The following PCDHGA2 variants were observed in gnomAD, a reference collection of about 807,000 sequenced individuals.
PCDHGA2 encodes protocadherin gamma subfamily A, 2.
Under a neutral mutation model 59.2 loss-of-function variants are expected in PCDHGA2, and 40 were observed. That is an observed-to-expected ratio of 0.68 (90% confidence interval 0.52 to 0.88). The LOEUF is 0.88. Among genes scored for constraint, PCDHGA2 ranks in the 40% least tolerant of loss-of-function variants. PCDHGA2 has a pLI of 0.00. For missense variants in PCDHGA2, 1,226 were observed against 1,204.0 expected (o/e 1.02, Z -0.27); for synonymous variants, 560 against 526.0 (o/e 1.06, Z -0.89).
Position 141,340,091 on chromosome 5 carries a change from A to G in PCDHGA2, c.1120A>G (p.Arg374Gly), listed in dbSNP as rs577489425. 12 of 1,614,120 alleles carry G rather than the reference A, an allele frequency of 7.4e-6. No homozygotes were observed. The highest frequency in any genetic ancestry group is 1.7e-4 in the Middle Eastern group (1 of 6,060). Residue 374 changes from arginine to glycine, a missense_variant, in exon 1 of 4, where the codon AGA becomes GGA. Arg to Gly is a moderately radical substitution (Grantham distance 125). Transcript: ENST00000394576. ...TIIGLFNVHDRDSGQNAFTTC... is the reference protein window; with the variant it reads ...TIIGLFNVHDGDSGQNAFTTC... Reference sequence around the variant, plus strand: ...AATTGGGCTTTTTAATGTACATGATAGAGACTCTGGGCAGAACGCATTCAC... The same window carrying G: ...AATTGGGCTTTTTAATGTACATGATGGAGACTCTGGGCAGAACGCATTCAC...
Position 141,486,388 on chromosome 5 carries a change from C to T in PCDHGA2, c.2425-8419C>T, listed in dbSNP as rs2099628930. ...TCAAGTCTGCCTTCAGGAACCAGTT[C>T]TCCCTGGTGACTGCTGGACCCTTGG... On this transcript the variant is annotated intron_variant, in intron 1 of 3. Coordinates refer to ENST00000394576, the MANE Select transcript of PCDHGA2 (RefSeq NM_018915.4). This position sits in a 1 kb window ranked among gnomAD's most constrained non-coding sequence, Gnocchi z 5.0. 2 of 1,613,988 alleles carry T rather than the reference C, an allele frequency of 1.2e-6. No individual in the cohort carries two copies. The highest frequency in any genetic ancestry group is 2.7e-5 in the African/African-American group (2 of 74,924).
intron 1 of PCDHGA2, among the ~76,000 whole-genome samples, chr5:141,460,135 T>G (rs2098983196): frequency 6.6e-6 from 1 of 152,044 alleles, no homozygotes; most frequent in South Asian, 2.1e-4. Flanking sequence ...ATATATATAT[T>G]CTTGATGTGA....
rs3074545 is a variant in PCDHGA2, at chr5:141,482,530, C to CAAAAAAA, written c.2425-12264_2425-12258dup. On this transcript the variant is annotated intron_variant, in intron 1 of 3. Coordinates refer to ENST00000394576, the MANE Select transcript of PCDHGA2 (RefSeq NM_018915.4). ...CAGAGTACAGTATGAGACAGACATG[C>CAAAAAAA]AAAAAAAAAAAAAAAAAAAGATAAT... Among the ~76,000 whole-genome samples the CAAAAAAA allele has an allele frequency of 6.5e-4, 50 of 76,534 alleles. 2 individuals are homozygous for CAAAAAAA. The highest frequency in any genetic ancestry group is 1.7e-3 in the African/African-American group (35 of 20,860). 50.2% of individuals were successfully genotyped at this position (76,534 alleles called of 152,430 possible).
rs773048793 is a variant in PCDHGA2, at chr5:141,505,456, A to T, written c.2547A>T (p.Gln849His). The T allele has an allele frequency of 1.3e-5, 21 of 1,614,110 alleles. No homozygotes were observed. The highest frequency in any genetic ancestry group is 1.7e-5 in the Non-Finnish European group (20 of 1,180,044). The change falls in exon 3 of 4, where the codon CAA becomes CAT. Residue 849 changes from glutamine (Q) to histidine (H), a missense_variant. By Grantham distance (24) the Gln-to-His change is conservative (BLOSUM62 0). Coordinates refer to ENST00000394576, the MANE Select transcript of PCDHGA2 (RefSeq NM_018915.4). ...ACCAGTTTGACACAGAGATGCTGCA[A>T]GCCATGATCTTGGCGTCCGCCAGTG... ...PNNQFDTEML[Q>H]AMILASASEA...
rs775654786 is a variant in PCDHGA2 at position 141,491,718 on chromosome 5, G to A, written c.2425-3089G>A. Reference sequence around the variant, plus strand: ...GGAGCCAGGTGAGGGGCTCGGCGCCGCCCCGGGCGACCCCTGGGGGCGGCA... The same window carrying A: ...GGAGCCAGGTGAGGGGCTCGGCGCCACCCCGGGCGACCCCTGGGGGCGGCA... On this transcript the variant is annotated intron_variant, in intron 1 of 3. Coordinates refer to ENST00000394576, the MANE Select transcript of PCDHGA2 (RefSeq NM_018915.4). This position sits in a 1 kb window ranked among gnomAD's most constrained non-coding sequence, Gnocchi z 6.9. 1 of 1,607,600 alleles carries A rather than the reference G, an allele frequency of 6.2e-7. No homozygotes were observed. The highest frequency in any genetic ancestry group is 2.2e-5 in the East Asian group (1 of 44,690).
At chr5:141,510,124 A>G (rs2099879540) in intron 3 of PCDHGA2, among the ~76,000 whole-genome samples, 1 of 152,156 alleles carries the variant, frequency 6.6e-6, no homozygotes, top group Admixed American at 6.5e-5. Context: ...AAATACAAAA[A>G]TTAGCTGGGC....
At chr5:141,404,287 C>A in intron 1 of PCDHGA2, 1 of 1,613,976 alleles carries the variant, frequency 6.2e-7, no homozygotes, top group Non-Finnish European at 8.5e-7. Flanking sequence ...TGACTGACAT[C>A]AATGATAATC....
At chr5:141,389,254 T>C (rs1589085552) in intron 1 of PCDHGA2, 1 of 1,614,012 alleles carries the variant, frequency 6.2e-7, no homozygotes. Flanking sequence ...TCCTATATAG[T>C]CCACGTGGCC....
At chr5:141,368,074 G>A (rs1765473205) in intron 1 of PCDHGA2, among the ~76,000 whole-genome samples, 2 of 152,100 alleles carry the variant, frequency 1.3e-5, no homozygotes, top group Admixed American at 6.6e-5. Context: ...TTTCCCTTCT[G>A]CATCTGATTT....
chr5:141,446,634 G>A (rs927873152), intron 1 of PCDHGA2, among the ~76,000 whole-genome samples: 6 of 151,928 alleles, frequency 3.9e-5, no homozygotes, highest in Admixed American at 2.6e-4. Context: ...GCACCACCAC[G>A]CCTGGCTAAT....
chr5:141,379,540 G>C (rs1322397241), intron 1 of PCDHGA2: 2 of 152,194 alleles, frequency 1.3e-5, no homozygotes, highest in Non-Finnish European at 2.9e-5. Context: ...TATAGGGAAA[G>C]CTCACTAACT....
intron 1 of PCDHGA2, chr5:141,346,215 T>G: frequency 6.2e-7 from 1 of 1,614,154 alleles, no homozygotes; most frequent in Non-Finnish European, 8.5e-7. Flanking sequence ...GCTGCAGGCT[T>G]CGGGAGGCGG....
At chr5:141,468,746 G>A (rs1298497433) in intron 1 of PCDHGA2, among the ~76,000 whole-genome samples, 1 of 151,850 alleles carries the variant, frequency 6.6e-6, no homozygotes, top group Non-Finnish European at 1.5e-5. Flanking sequence ...GGTGCCTGTA[G>A]TCCCAGCTAC....
chr5:141,360,681 GAAAC>G, intron 1 of PCDHGA2: 1 of 1,613,946 alleles, frequency 6.2e-7, no homozygotes, highest in Non-Finnish European at 8.5e-7. Flanking sequence ...ATCTCGCTGA[GAAAC>G]AGACTCCAGA....
At chr5:141,423,980 G>A (rs2154550577) in intron 1 of PCDHGA2, 1 of 1,110,878 alleles carries the variant, frequency 9.0e-7, no homozygotes, top group South Asian at 4.5e-5. Flanking sequence ...AGTGTATGAG[G>A]CTCTCAATTT....
intron 1 of PCDHGA2, chr5:141,390,461 C>T: frequency 2.7e-6 from 2 of 738,224 alleles, no homozygotes; most frequent in Non-Finnish European, 4.3e-6. Context: ...AAAGTAGGAG[C>T]AATTGTGTGG....
At position 141,491,084 on chromosome 5, in the gene PCDHGA2, C is replaced by T; in HGVS notation, c.2425-3723C>T. On this transcript the variant is annotated intron_variant, in intron 1 of 3. Transcript: ENST00000394576. This position sits in a 1 kb window ranked among gnomAD's most constrained non-coding sequence, Gnocchi z 6.9. ...TACTCACTGTTGCCACAGTCCACAGCCCCAGGACTGTTCCTCGTGTCTACA... is the reference window on the plus strand; with the variant it reads ...TACTCACTGTTGCCACAGTCCACAGTCCCAGGACTGTTCCTCGTGTCTACA... The T allele has an allele frequency of 6.2e-7, 1 of 1,614,106 alleles. No homozygotes were observed. The highest frequency in any genetic ancestry group is 1.1e-5 in the South Asian group (1 of 91,082).
At chr5:141,398,928 T>C in intron 1 of PCDHGA2, 4 of 1,613,962 alleles carry the variant, frequency 2.5e-6, no homozygotes, top group Non-Finnish European at 3.4e-6. Flanking sequence ...TGTCAGCCAC[T>C]GACCAAGACG....
chr5:141,489,086 G>A lies in PCDHGA2; in HGVS notation c.2425-5721G>A, dbSNP rs2233599. ...CCCCCCTGCCCACCCCCGCCACTCG[G>A]TGACTAAGAACTGCTGCAAGCAGGC... On this transcript the variant is annotated intron_variant, in intron 1 of 3. Coordinates refer to ENST00000394576, the MANE Select transcript of PCDHGA2 (RefSeq NM_018915.4). The surrounding 1 kb of genome is among the most constrained non-coding windows in gnomAD (Gnocchi z 4.5). 2.2e-3 allele frequency: 754 copies of A among 340,206 alleles called. 5 individuals carry two copies. Among genetic ancestry groups the A allele is most frequent in the African/African-American group, 0.018 (712 of 39,726 alleles). 21.1% of individuals were successfully genotyped at this position (340,206 alleles called of 1,614,324 possible).
Sources: allele counts gnomAD v4.1 joint callset (sites outside exome capture counted in the v4.1 genomes callset), GRCh38; gene constraint gnomAD v4.1.1; non-coding constraint Gnocchi (gnomAD v3.1); transcripts MANE v1.5; gene names NCBI Gene and HGNC (gene_info 2026-07-23, HGNC 2026-07-21).